PDE10A: variants seen among roughly 807,000 people sequenced by gnomAD.
PDE10A encodes the protein phosphodiesterase 10A.
PDE10A carries 39 observed loss-of-function variants against 97.7 expected under a neutral mutation model. The observed-to-expected ratio is 0.40, with a 90% CI of 0.31 to 0.52. PDE10A has a LOEUF of 0.52. Ranked by LOEUF, PDE10A falls within the 20% of genes least tolerant of loss-of-function variation. The pLI is 0.56. For missense variants in PDE10A, 731 were observed against 1,047.8 expected (o/e 0.70, Z 4.17); for synonymous variants, 371 against 376.8 (o/e 0.98, Z 0.18).
Position 165,537,380 on chromosome 6 carries a change from G to C in PDE10A, c.994+6060C>G, listed in dbSNP as rs1562560259. 4.6e-5 allele frequency among the ~76,000 whole-genome samples: 7 copies of C among 151,916 alleles called. No homozygotes were observed. In the South Asian group the frequency reaches 1.5e-3, roughly 31 times the overall value. ...ATCTAGTATTTGGTAGCACAATAGG[G>C]GGACCAATCATTAAACCTGAATAGT... On this transcript the variant is annotated intron_variant, in intron 2 of 21. Transcript: ENST00000539869.
In PDE10A at chr6:165,767,434, A is replaced by C. The variant is rs988611352; in HGVS notation, c.-615+220095T>G. On this transcript the variant is annotated intron_variant, in intron 1 of 19. Coordinates refer to the PDE10A transcript ENST00000366882. ...GGGAACTCCACATCCGTTGGCAGCC[A>C]CTCTCCATTCCTCCTGCACCCTGTC... 5.3e-5 allele frequency among the ~76,000 whole-genome samples: 8 copies of C among 152,206 alleles called. No individual in the cohort carries two copies. In the East Asian group the frequency reaches 1.5e-3, roughly 29 times the overall value.
intron 1 of PDE10A, among the ~76,000 whole-genome samples, chr6:165,831,671 G>C (rs1167949191): frequency 2.6e-5 from 4 of 151,748 alleles, no homozygotes; most frequent in Admixed American, 6.6e-5. Context: ...TTTTTCAGTA[G>C]AGACGGGGTT....
At chr6:165,796,097 T>TTTTC (rs1778822416) in intron 1 of PDE10A, among the ~76,000 whole-genome samples, 1 of 141,664 alleles carries the variant, frequency 7.1e-6, no homozygotes, top group African/African-American at 2.6e-5. Flanking sequence ...TTTTCTTTTT[T>TTTTC]TTTTTTTTTT....
chr6:165,619,659 A>AGTCTAGTGTAGTGTAGTCTAGTG (rs1562635480), intron 1 of PDE10A, among the ~76,000 whole-genome samples: 1 of 66,330 alleles, frequency 1.5e-5, no homozygotes, highest in Admixed American at 1.7e-4. Flanking sequence ...CTAGTGTAGT[A>AGTCTAGTGTAGTGTAGTCTAGTG]TAGTCTAGTG....
At chr6:165,796,091 C>CTTTTTTTTTTTTTTTTT (rs1168771487) in intron 1 of PDE10A, among the ~76,000 whole-genome samples, 28 of 108,816 alleles carry the variant, frequency 2.6e-4, no homozygotes, top group Non-Finnish European at 4.1e-4. Flanking sequence ...TTTTTCTTTT[C>CTTTTTTTTTTTTTTTTT]TTTTTTTTTT....
chr6:165,822,891 G>C (rs182339685), intron 1 of PDE10A, among the ~76,000 whole-genome samples: 2 of 152,130 alleles, frequency 1.3e-5, no homozygotes, highest in Admixed American at 1.3e-4. Flanking sequence ...CTGGAGGGCA[G>C]TGGCGCGATC....
intron 1 of PDE10A, among the ~76,000 whole-genome samples, chr6:165,873,302 ATAC>A (rs1446012297): frequency 6.6e-6 from 1 of 152,158 alleles, no homozygotes; most frequent in East Asian, 1.9e-4. Flanking sequence ...AAAAACAAAA[ATAC>A]TACTACTAGG....
chr6:165,727,948 T>C (rs139766739), intron 1 of PDE10A, among the ~76,000 whole-genome samples: 4 of 152,112 alleles, frequency 2.6e-5, no homozygotes, highest in African/African-American at 4.8e-5. Flanking sequence ...TAGTTGGTTG[T>C]GTTGTGTTTT....
intron 10 of PDE10A, among the ~76,000 whole-genome samples, chr6:165,425,805 A>G (rs796615992): frequency 2.6e-4 from 25 of 97,052 alleles, no homozygotes; most frequent in African/African-American, 5.0e-4. Context: ...GTGTGTATGT[A>G]TGTAATCCAC....
intron 17 of PDE10A, among the ~76,000 whole-genome samples, chr6:165,384,589 C>T (rs975338161): frequency 1.3e-5 from 2 of 148,744 alleles, no homozygotes; most frequent in African/African-American, 2.5e-5. Flanking sequence ...CCACTTCCTG[C>T]TTTTCCCTAC....
At chr6:165,829,435 A>G (rs1432280410) in intron 1 of PDE10A, among the ~76,000 whole-genome samples, 1 of 152,256 alleles carries the variant, frequency 6.6e-6, no homozygotes, top group Non-Finnish European at 1.5e-5. Flanking sequence ...ATACTGGTAA[A>G]TCAACCTTAA....
At chr6:165,739,214 C>T (rs1383523964) in intron 1 of PDE10A, among the ~76,000 whole-genome samples, 1 of 152,162 alleles carries the variant, frequency 6.6e-6, no homozygotes, top group African/African-American at 2.4e-5. Context: ...GCTGGAGGCA[C>T]CATGCTACCT....
At chr6:165,334,686 C>T (rs543912280) in intron 21 of PDE10A, among the ~76,000 whole-genome samples, 4 of 152,134 alleles carry the variant, frequency 2.6e-5, no homozygotes, top group Non-Finnish European at 5.9e-5. Flanking sequence ...CTCCATATTG[C>T]CCATTATGAC....
chr6:165,606,153 GAAA>G (rs71029555), intron 1 of PDE10A, among the ~76,000 whole-genome samples: 1 of 113,278 alleles, frequency 8.8e-6, no homozygotes, highest in African/African-American at 3.5e-5. Context: ...ACGAACAAGC[GAAA>G]AAAAAAAAAA....
At chr6:165,423,165 A>G (rs1474012758) in intron 10 of PDE10A, among the ~76,000 whole-genome samples, 1 of 152,186 alleles carries the variant, frequency 6.6e-6, no homozygotes. Context: ...ATTCATGAAA[A>G]GATTATTTGA....
chr6:165,500,962 T>C (rs1360269340), intron 2 of PDE10A, among the ~76,000 whole-genome samples: 1 of 152,114 alleles, frequency 6.6e-6, no homozygotes, highest in Non-Finnish European at 1.5e-5. Flanking sequence ...AACTTATTTA[T>C]GACACAGAGA....
intron 1 of PDE10A, among the ~76,000 whole-genome samples, chr6:165,862,648 A>G (rs1780936773): frequency 6.6e-6 from 1 of 150,924 alleles, no homozygotes; most frequent in South Asian, 2.1e-4. Context: ...AAGAACACTG[A>G]GTTAGAACCT....
chr6:165,330,083 C>G lies in PDE10A; in HGVS notation c.*2942G>C, dbSNP rs1389685611. The stretch of plus-strand genomic sequence containing the variant: ...GACATTTTTAGCTAAAAAACATATT[C>G]ACTGTGTCCAAAAAGATAATGGAAT... On this transcript the variant is annotated 3_prime_UTR_variant, in exon 22 of 22. Coordinates refer to ENST00000539869, the MANE Select transcript of PDE10A (RefSeq NM_001385079.1). 1 of 152,132 alleles carries G rather than the reference C, an allele frequency of 6.6e-6. No homozygotes were observed. Among genetic ancestry groups the G allele is most frequent in the Non-Finnish European group, 1.5e-5 (1 of 68,006 alleles). The allele number at this position is 152,132 out of a possible 1,614,324, so 9.4% of individuals were successfully genotyped here.
chr6:165,513,282 T>C (rs558186818), intron 2 of PDE10A, among the ~76,000 whole-genome samples: 99 of 152,196 alleles, frequency 6.5e-4, no homozygotes, highest in Admixed American at 1.6e-3. Context: ...TATATAATTG[T>C]CCCCTACCAA....
Sources: gnomAD v4.1 joint callset for allele counts (sites outside exome capture counted in the v4.1 genomes callset) on GRCh38, gnomAD v4.1.1 for gene constraint, MANE v1.5 for transcripts, NCBI Gene and HGNC (gene_info 2026-07-23, HGNC 2026-07-21) for gene names.